Variants in TRPM7 observed in about 807,000 individuals in gnomAD.
TRPM7 encodes transient receptor potential cation channel subfamily M member 7.
A neutral mutation model predicts 229.7 loss-of-function variants in TRPM7; 134 were observed. The ratio of observed to expected loss-of-function variants is 0.58; its 90% confidence interval spans 0.51 to 0.67. The LOEUF (loss-of-function observed/expected upper bound fraction) is 0.67, where lower values mean the gene tolerates loss of function less well. Among genes scored for constraint, TRPM7 ranks in the 30% least tolerant of loss-of-function variants. The pLI is 0.00. For synonymous variants in TRPM7, 699 were observed against 715.2 expected (o/e 0.98, Z 0.36); for missense variants, 1,901 against 2,210.0 (o/e 0.86, Z 2.80).
chr15:50,587,708 G>C (rs2059380916), intron 27 of TRPM7, among the ~76,000 whole-genome samples: 1 of 152,062 alleles, frequency 6.6e-6, no homozygotes, highest in African/African-American at 2.4e-5. Context: ...GATACCACCA[G>C]AGTGTGGCAA....
rs1256423466 is a variant in TRPM7 at position 50,575,005 on chromosome 15, A to G, written c.4866T>C (p.Gly1622=). The G allele has an allele frequency of 1.2e-6, 2 of 1,613,980 alleles. No individual in the cohort carries two copies. Among genetic ancestry groups the G allele is most frequent in the Non-Finnish European group, 1.7e-6 (2 of 1,179,992 alleles). ...ACTGTACTTTGACAGCTCTTCGTAA[A>G]CCTCCTCCCATCTCCTCTTTGCTTA... ...EFLSKEEMGG[G]LRRAVKVQCT... Residue 1622 remains glycine (G), a synonymous_variant, in exon 34 of 39, where the codon GGT becomes GGC. Transcript: ENST00000646667.
At position 50,632,856 on chromosome 15, in the gene TRPM7, GA is replaced by G; in HGVS notation, c.1131+12del. 6.6e-7 allele frequency: 1 copy of G among 1,507,616 alleles called. No individual in the cohort carries two copies. Among genetic ancestry groups the G allele is most frequent in the Non-Finnish European group, 8.8e-7 (1 of 1,135,262 alleles). The allele number at this position is 1,507,616 out of a possible 1,614,324, so 93.4% of individuals were successfully genotyped here. A position where few individuals can be genotyped will look rare whatever the true frequency, so the allele number is the denominator to read the frequency against. ...CCTATCAGCTTTTTAAATTTCTGCT[GA>G]AATCTACTTACAAGCTCCTTTCTTT... On this transcript the variant is annotated intron_variant, in intron 9 of 38. Transcript: ENST00000646667.
chr15:50,667,023 C>G (rs1249721360), intron 1 of TRPM7, among the ~76,000 whole-genome samples: 1 of 152,048 alleles, frequency 6.6e-6, no homozygotes, highest in African/African-American at 2.4e-5. Context: ...TTCCTGGGGT[C>G]TGGATCAGGA....
rs1596138926 is a variant in TRPM7 at position 50,596,310 on chromosome 15, C to T, written c.3235G>A (p.Val1079Ile). The stretch of plus-strand genomic sequence containing the variant: ...ATGATATACTGTACAAAGAGGTAGA[C>T]TGCTTGAAGAAATGGAGTCAACCAC... ...GTWLTPFLQA[V>I]YLFVQYIIMV... The change falls in exon 23 of 39, where the codon GTC (valine) becomes ATC (isoleucine). Residue 1079 changes from valine to isoleucine, a missense_variant. Physicochemically the swap from Val to Ile is conservative, Grantham distance 29. Coordinates refer to ENST00000646667, the MANE Select transcript of TRPM7 (RefSeq NM_017672.6). The T allele has an allele frequency of 1.2e-6, 2 of 1,605,558 alleles. No individual in the cohort carries two copies. The highest frequency in any genetic ancestry group is 1.7e-6 in the Non-Finnish European group (2 of 1,175,242).
At chr15:50,613,555 C>A (rs2060125068) in intron 15 of TRPM7, 152 bp downstream of exon 15, 18 of 297,738 alleles carry the variant, frequency 6.0e-5, no homozygotes, top group Middle Eastern at 1.1e-3. Flanking sequence ...TAATTAATAT[C>A]TCTGTGTGTG....
intron 19 of TRPM7, among the ~76,000 whole-genome samples, chr15:50,608,494 T>C (rs891883831): frequency 2.6e-5 from 4 of 152,244 alleles, no homozygotes; most frequent in Admixed American, 1.3e-4. Context: ...TAGTCACCCA[T>C]GTTGGCTATT....
At chr15:50,656,006 A>C (rs1199421826) in intron 3 of TRPM7, among the ~76,000 whole-genome samples, 2 of 113,790 alleles carry the variant, frequency 1.8e-5, no homozygotes, top group Non-Finnish European at 4.2e-5. Context: ...AAAAAGAAAA[A>C]AACAAAAAAA....
intron 36 of TRPM7, among the ~76,000 whole-genome samples, chr15:50,570,360 T>TA (rs1277211349): frequency 1.3e-5 from 2 of 152,152 alleles, no homozygotes; most frequent in East Asian, 1.9e-4. Context: ...GGGAGAGGCA[T>TA]ATCTCCTTGT....
At chr15:50,593,287 C>CA in intron 25 of TRPM7, among the ~76,000 whole-genome samples, 1 of 149,904 alleles carries the variant, frequency 6.7e-6, no homozygotes, top group African/African-American at 2.5e-5. Context: ...GACTCTGTCT[C>CA]AAAAAAATAA....
intron 13 of TRPM7, among the ~76,000 whole-genome samples, chr15:50,617,912 G>A (rs1166244520): frequency 1.3e-5 from 2 of 152,066 alleles, no homozygotes; most frequent in Non-Finnish European, 2.9e-5. Flanking sequence ...ACTCACCTCA[G>A]ACTACCAAAG....
intron 1 of TRPM7, among the ~76,000 whole-genome samples, chr15:50,679,198 G>T (rs1009788251): frequency 1.5e-5 from 2 of 134,850 alleles, no homozygotes; most frequent in African/African-American, 3.0e-5. Context: ...TAGCCAGGTT[G>T]GTGGTATGGG....
chr15:50,666,500 A>C (rs990976539), intron 1 of TRPM7, among the ~76,000 whole-genome samples: 1 of 151,962 alleles, frequency 6.6e-6, no homozygotes, highest in Non-Finnish European at 1.5e-5. Flanking sequence ...GAAAACGAAG[A>C]GGAAGAGGAA....
chr15:50,588,811 T>C (rs1273405522), intron 27 of TRPM7, among the ~76,000 whole-genome samples: 1 of 152,224 alleles, frequency 6.6e-6, no homozygotes, highest in Non-Finnish European at 1.5e-5. Flanking sequence ...CAGGCAAGAA[T>C]ACACCTTTTT....
In TRPM7 at chr15:50,592,625, C is replaced by T. The variant is rs1475958053; in HGVS notation, c.3610G>A (p.Val1204Met). The change falls in exon 26 of 39, where the codon GTG becomes ATG. Residue 1204 changes from valine to methionine, a missense_variant and splice_region_variant. Physicochemically the swap from Val to Met is conservative, Grantham distance 21. Coordinates refer to ENST00000646667, the MANE Select transcript of TRPM7 (RefSeq NM_017672.6). ...EERIRVTFER[V>M]EQMCIQIKEV... ...TTAATCTGAATGCACATCTGTTCCA[C>T]TCTGTAGGAGAGAAATAAGCTTTTT... The T allele has an allele frequency of 1.9e-6, 3 of 1,557,502 alleles. No individual in the cohort carries two copies. Among genetic ancestry groups the T allele is most frequent in the Admixed American group, 3.7e-5 (2 of 54,102 alleles).
rs2053185808 is a variant in TRPM7 at position 50,557,744 on chromosome 15, A to G, written c.*3934T>C. 6.6e-6 allele frequency: 1 copy of G among 152,234 alleles called. No homozygotes were observed. The highest frequency in any genetic ancestry group is 2.4e-5 in the African/African-American group (1 of 41,448). The allele number at this position is 152,234 out of a possible 1,614,324, so 9.4% of individuals were successfully genotyped here. A position where few individuals can be genotyped will look rare whatever the true frequency, so the allele number is the denominator to read the frequency against. ...CTGCAACCTCCACCTCTTGGGTTCAAGCAATTCTCCTGCCTCAGCCTCCTG... is the reference window on the plus strand; with the variant it reads ...CTGCAACCTCCACCTCTTGGGTTCAGGCAATTCTCCTGCCTCAGCCTCCTG... On this transcript the variant is annotated 3_prime_UTR_variant, in exon 39 of 39. Transcript: ENST00000646667.
At chr15:50,677,317 G>A (rs2062114401) in intron 1 of TRPM7, among the ~76,000 whole-genome samples, 1 of 151,854 alleles carries the variant, frequency 6.6e-6, no homozygotes, top group Non-Finnish European at 1.5e-5. Flanking sequence ...ATCTCCCAAA[G>A]TTCTCATCTC....
chr15:50,594,495 G>A lies in TRPM7; in HGVS notation c.3409C>T (p.His1137Tyr). Residue 1137 changes from histidine to tyrosine, a missense_variant, in exon 24 of 39, where the codon CAT (histidine) becomes TAT (tyrosine). Physicochemically the swap from His to Tyr is moderately conservative, Grantham distance 83. Around this residue, in one of 8 missense-constraint regions of TRPM7, gnomAD observed 533 missense variants for 497.1 expected, o/e 1.07. Coordinates refer to ENST00000646667, the MANE Select transcript of TRPM7 (RefSeq NM_017672.6). ...VLPPPLIILSHIVSLFCCICK... is the reference protein window; with the variant it reads ...VLPPPLIILSYIVSLFCCICK... ...ATGCAGCAAAACAGAGAAACTATAT[G>A]GCTAAGAATGATAAGTGGAGGAGGC... 3 of 1,613,246 alleles carry A rather than the reference G, an allele frequency of 1.9e-6. No individual in the cohort carries two copies. The highest frequency in any genetic ancestry group is 2.5e-6 in the Non-Finnish European group (3 of 1,179,610).
chr15:50,629,301 C>T lies in TRPM7; in HGVS notation c.1205-1052G>A, dbSNP rs574501396. ...CTTCTTCTCTTTTCTGAGACCGAGT[C>T]TCTCCCTGTTGTCCAGGCTGGAGTG... On this transcript the variant is annotated intron_variant, in intron 10 of 38. Coordinates refer to ENST00000646667, the MANE Select transcript of TRPM7 (RefSeq NM_017672.6). 1.9e-4 allele frequency among the ~76,000 whole-genome samples: 28 copies of T among 149,804 alleles called. 1 individual carries two copies. Among genetic ancestry groups the T allele is most frequent in the African/African-American group, 7.0e-4 (28 of 40,014 alleles).
At chr15:50,625,374 G>A (rs1051795116) in intron 11 of TRPM7, among the ~76,000 whole-genome samples, 4 of 151,746 alleles carry the variant, frequency 2.6e-5, no homozygotes, top group East Asian at 1.9e-4. Context: ...ATCTATCTTC[G>A]ATTTACATCA....
Sources: allele counts gnomAD v4.1 joint callset (sites outside exome capture counted in the v4.1 genomes callset), GRCh38; gene constraint gnomAD v4.1.1; regional missense constraint gnomAD v4.1.1; transcripts MANE v1.5; gene names NCBI Gene and HGNC (gene_info 2026-07-23, HGNC 2026-07-21).